The following PLXNA4 variants were observed in gnomAD, a reference collection of about 807,000 sequenced individuals.
PLXNA4 encodes the protein plexin A4.
PLXNA4 carries 44 observed loss-of-function variants against 191.8 expected under a neutral mutation model. That is an observed-to-expected ratio of 0.23 (90% CI 0.18 to 0.29). The LOEUF is 0.29. PLXNA4 is among the 10% of genes least tolerant of loss of function. The probability of loss-of-function intolerance (pLI) is 1.00; values close to 1 mark genes in which losing one functional copy is unlikely to be tolerated. For missense variants in PLXNA4, 1,800 were observed against 2,488.8 expected, an observed-to-expected ratio of 0.72 and a Z score of 5.89; for synonymous variants, 1,082 against 1,009.5, an observed-to-expected ratio of 1.07 and a Z score of -1.36.
chr7:132,368,201 A>G (rs1459452902), intron 3 of PLXNA4, among the ~76,000 whole-genome samples: 1 of 152,196 alleles, frequency 6.6e-6, no homozygotes, highest in Admixed American at 6.5e-5. Flanking sequence ...CGCCTCCATA[A>G]GAAGGGAGAA....
intron 4 of PLXNA4, chr7:132,266,435 C>T (rs1363475596): frequency 1.3e-5 from 2 of 152,152 alleles, no homozygotes; most frequent in African/African-American, 2.4e-5. Flanking sequence ...GACATTAAGG[C>T]CCCATTTGCT....
chr7:132,428,311 G>T (rs547309594), intron 3 of PLXNA4, among the ~76,000 whole-genome samples: 15 of 152,314 alleles, frequency 9.8e-5, no homozygotes, highest in African/African-American at 3.4e-4. Context: ...GAAATCAGTG[G>T]GAAGTCCCTA....
chr7:132,640,178 T>C (rs1347122980), intron 2 of PLXNA4, among the ~76,000 whole-genome samples: 8 of 152,230 alleles, frequency 5.3e-5, no homozygotes, highest in African/African-American at 4.8e-5. Context: ...AGCCAACAGA[T>C]GTTCCTGGAG....
chr7:132,408,349 G>A (rs1310798811), intron 3 of PLXNA4, among the ~76,000 whole-genome samples: 1 of 152,114 alleles, frequency 6.6e-6, no homozygotes, highest in Non-Finnish European at 1.5e-5. Context: ...GCAGGCGGTG[G>A]CATTCTGGGG....
At chr7:132,379,184 T>C (rs1804788321) in intron 3 of PLXNA4, among the ~76,000 whole-genome samples, 1 of 152,174 alleles carries the variant, frequency 6.6e-6, no homozygotes, top group Non-Finnish European at 1.5e-5. Context: ...CCATAACATT[T>C]CATACAAAAT....
At chr7:132,622,092 T>C (rs561873240) in intron 2 of PLXNA4, among the ~76,000 whole-genome samples, 4 of 152,212 alleles carry the variant, frequency 2.6e-5, no homozygotes, top group South Asian at 2.1e-4. Flanking sequence ...GTTCTAGCCA[T>C]TGAAATGTAA....
intron 3 of PLXNA4, among the ~76,000 whole-genome samples, chr7:132,421,085 C>A (rs942690139): frequency 1.3e-5 from 2 of 152,210 alleles, no homozygotes. Context: ...CTGCTAAACT[C>A]TATGATCCTA....
rs879935344 is a variant in PLXNA4 at position 132,474,233 on chromosome 7, C to T, written c.1371+15059G>A. On this transcript the variant is annotated intron_variant, in intron 3 of 31. Transcript: ENST00000321063. ...TCTGTCTCACACACACACACACACA[C>T]ACACACACACACACACACACACACA... 9.3e-3 allele frequency among the ~76,000 whole-genome samples: 1,415 copies of T among 151,498 alleles called. 21 individuals are homozygous for T. The highest frequency in any genetic ancestry group is 0.024 in the African/African-American group (987 of 41,170).
chr7:132,380,355 T>G (rs914885592), intron 3 of PLXNA4, among the ~76,000 whole-genome samples: 4 of 152,104 alleles, frequency 2.6e-5, no homozygotes, highest in Non-Finnish European at 5.9e-5. Context: ...GGGAGACTGT[T>G]TTTCCTCCAC....
chr7:132,242,130 G>T (rs573968542), intron 4 of PLXNA4, among the ~76,000 whole-genome samples: 2 of 149,210 alleles, frequency 1.3e-5, no homozygotes, highest in East Asian at 1.9e-4. Context: ...CGTTTTGCCG[G>T]TTTTTTTCTT....
intron 4 of PLXNA4, among the ~76,000 whole-genome samples, chr7:132,291,155 T>C (rs1272264454): frequency 6.6e-6 from 1 of 152,108 alleles, no homozygotes; most frequent in East Asian, 1.9e-4. Context: ...CAAAAACACA[T>C]GTCACATGCC....
intron 4 of PLXNA4, among the ~76,000 whole-genome samples, chr7:132,282,524 C>G (rs1180315486): frequency 6.9e-6 from 1 of 145,052 alleles, no homozygotes; most frequent in South Asian, 2.3e-4. Context: ...TGGCTTGAAC[C>G]TGGGAGGCAG....
At chr7:132,291,295 A>C (rs1346029036) in intron 4 of PLXNA4, among the ~76,000 whole-genome samples, 1 of 152,126 alleles carries the variant, frequency 6.6e-6, no homozygotes, top group Non-Finnish European at 1.5e-5. Flanking sequence ...CCTTGCAACC[A>C]TCTTTAAAAG....
At chr7:132,644,231 T>G (rs1278683844) in intron 2 of PLXNA4, among the ~76,000 whole-genome samples, 1 of 152,186 alleles carries the variant, frequency 6.6e-6, no homozygotes, top group Non-Finnish European at 1.5e-5. Flanking sequence ...CATGGTACAA[T>G]GGAGACAGTA....
intron 1 of PLXNA4, among the ~76,000 whole-genome samples, chr7:132,563,148 C>A (rs1458551418): frequency 2.2e-5 from 2 of 92,026 alleles, no homozygotes; most frequent in African/African-American, 3.9e-5. Flanking sequence ...TCTCCTCTTC[C>A]TCCTTCTCCT....
chr7:132,285,333 C>T (rs1352143067), intron 4 of PLXNA4, among the ~76,000 whole-genome samples: 2 of 152,218 alleles, frequency 1.3e-5, no homozygotes, highest in East Asian at 1.9e-4. Context: ...CAGCTTGCAA[C>T]TGGATAGCCT....
intron 14 of PLXNA4, among the ~76,000 whole-genome samples, chr7:132,189,378 C>T (rs1276940323): frequency 2.6e-5 from 4 of 152,246 alleles, no homozygotes; most frequent in East Asian, 3.9e-4. Flanking sequence ...CACCTCTTCA[C>T]TTGGCTCCAT....
intron 1 of PLXNA4, among the ~76,000 whole-genome samples, chr7:132,564,972 C>A (rs1801650452): frequency 6.6e-6 from 1 of 150,890 alleles, no homozygotes; most frequent in Non-Finnish European, 1.5e-5. Context: ...CCTGCCATCC[C>A]TGCTGCATTC....
At position 132,227,470 on chromosome 7, in the gene PLXNA4, G is replaced by A; in HGVS notation, c.1863C>T (p.Pro621=). 6.2e-7 allele frequency: 1 copy of A among 1,614,152 alleles called. No homozygotes were observed. Among genetic ancestry groups the A allele is most frequent in the African/African-American group, 1.3e-5 (1 of 75,026 alleles). ...GCTCACCATTCTCTGTGATGATCCG[G>A]GGCACCTCCTTGGCTGCAGGGGAGT... is the stretch of plus-strand genomic sequence containing the variant. ...QCYSPAAKEV[P]RIITENGDHH... Residue 621 remains proline (P), a synonymous_variant, in exon 7 of 32, where the codon CCC becomes CCT. Coordinates refer to ENST00000321063, the MANE Select transcript of PLXNA4 (RefSeq NM_020911.2).
Sources: allele counts gnomAD v4.1 joint callset (sites outside exome capture counted in the v4.1 genomes callset), GRCh38; gene constraint gnomAD v4.1.1; transcripts MANE v1.5; gene names NCBI Gene and HGNC (gene_info 2026-07-23, HGNC 2026-07-21).